ANXA8: variants seen among roughly 807,000 people sequenced by gnomAD.
ANXA8 encodes annexin A8, also known as VAC-beta.
In ANXA8, 9 loss-of-function variants were observed where a neutral mutation model predicts 26.8. That is an observed-to-expected ratio of 0.34 (90% CI 0.20 to 0.59). ANXA8 has a LOEUF of 0.59. ANXA8 is among the 20% of genes least tolerant of loss of function. The pLI is 0.84. For synonymous variants in ANXA8, 39 were observed against 94.8 expected (o/e 0.41, Z 3.42); for missense variants, 83 against 238.5 (o/e 0.35, Z 4.29).
the ANXA8 span, among the ~76,000 whole-genome samples, chr10:47,513,085 T>C: frequency 7.0e-6 from 1 of 143,480 alleles, no homozygotes; most frequent in Non-Finnish European, 1.5e-5. Context: ...CAGGCTGGAG[T>C]ATGCAATGCG....
At chr10:47,960,571 T>C in the ANXA8 span, among the ~76,000 whole-genome samples, 1 of 149,816 alleles carries the variant, frequency 6.7e-6, no homozygotes, top group Non-Finnish European at 1.5e-5. Flanking sequence ...GCTTTTTTTG[T>C]AATAGTACAT....
At chr10:47,485,472 G>A (rs1186314561), upstream of ANXA8, among the ~76,000 whole-genome samples, 5 of 151,966 alleles carry the variant, frequency 3.3e-5, no homozygotes, top group Non-Finnish European at 5.9e-5. Flanking sequence ...AGTGGCAAGC[G>A]TTCCAAAGCT....
the ANXA8 span, among the ~76,000 whole-genome samples, chr10:47,735,110 C>T: frequency 2.7e-5 from 4 of 150,830 alleles, no homozygotes; most frequent in Non-Finnish European, 5.9e-5. Context: ...TTTTGTTTTG[C>T]CTTTTTTGAG....
chr10:47,761,166 T>C, the ANXA8 span, among the ~76,000 whole-genome samples: 1 of 150,500 alleles, frequency 6.6e-6, no homozygotes, highest in South Asian at 2.1e-4. Context: ...CACCTGACAG[T>C]GTCAGCCAGT....
At chr10:47,975,925 T>C in the ANXA8 span, among the ~76,000 whole-genome samples, 1 of 147,240 alleles carries the variant, frequency 6.8e-6, no homozygotes, top group Non-Finnish European at 1.5e-5. Context: ...AGAAAAAAAC[T>C]TAGACTCAAT....
the ANXA8 span, among the ~76,000 whole-genome samples, chr10:47,685,003 C>T: frequency 3.1e-4 from 47 of 150,490 alleles, no homozygotes; most frequent in African/African-American, 1.1e-3. Flanking sequence ...ATTAGACACC[C>T]CTGATTTAGA....
the ANXA8 span, among the ~76,000 whole-genome samples, chr10:47,658,849 T>TATTC: frequency 1.1e-5 from 1 of 90,810 alleles, no homozygotes; most frequent in East Asian, 2.6e-4. Context: ...ATTTATTTAT[T>TATTC]ATTTATTTAT....
At chr10:47,652,471 C>T in the ANXA8 span, among the ~76,000 whole-genome samples, 1 of 151,272 alleles carries the variant, frequency 6.6e-6, no homozygotes, top group South Asian at 2.1e-4. Context: ...TTGGTACATG[C>T]CTGTCATCCC....
the ANXA8 span, among the ~76,000 whole-genome samples, chr10:47,626,678 T>G: frequency 6.7e-6 from 1 of 150,282 alleles, no homozygotes; most frequent in Non-Finnish European, 1.5e-5. Context: ...GGCATCTGGT[T>G]CCCCAACTTA....
chr10:47,958,195 C>T, the ANXA8 span, among the ~76,000 whole-genome samples: 1 of 150,188 alleles, frequency 6.7e-6, no homozygotes, highest in African/African-American at 2.5e-5. Context: ...AGTGGCATCT[C>T]CAGCTCGGCG....
At chr10:47,646,745 C>T in the ANXA8 span, among the ~76,000 whole-genome samples, 1 of 151,704 alleles carries the variant, frequency 6.6e-6, no homozygotes, top group African/African-American at 2.4e-5. Context: ...ATGTCCTTCC[C>T]TAAAATAGCC....
the ANXA8 span, among the ~76,000 whole-genome samples, chr10:47,891,591 T>TAA: frequency 4.4e-3 from 5 of 1,138 alleles, no homozygotes; most frequent in Admixed American, 0.012. Flanking sequence ...TACAAATAAA[T>TAA]AGAAAAAAAA....
chr10:47,725,541 TG>T, the ANXA8 span, among the ~76,000 whole-genome samples: 53 of 136,204 alleles, frequency 3.9e-4, no homozygotes, highest in South Asian at 0.012. Flanking sequence ...TTTTATTTTT[TG>T]GCATGTGGAT....
At chr10:47,947,462 C>A in the ANXA8 span, among the ~76,000 whole-genome samples, 1 of 147,002 alleles carries the variant, frequency 6.8e-6, no homozygotes, top group Non-Finnish European at 1.5e-5. Context: ...ATCCAGAAAT[C>A]TGTACAGTTG....
chr10:47,521,803 C>T, the ANXA8 span, among the ~76,000 whole-genome samples: 21 of 151,122 alleles, frequency 1.4e-4, no homozygotes, highest in African/African-American at 2.4e-4. Context: ...TTTTGTGAGA[C>T]GGAGTCTCGC....
the ANXA8 span, among the ~76,000 whole-genome samples, chr10:47,736,947 G>A: frequency 4.0e-5 from 6 of 151,834 alleles, no homozygotes; most frequent in African/African-American, 7.3e-5. Flanking sequence ...GAACCACTGC[G>A]CCCAGCCTTA....
chr10:47,937,247 A>G, the ANXA8 span, among the ~76,000 whole-genome samples: 3 of 149,590 alleles, frequency 2.0e-5, 1 homozygote, highest in Non-Finnish European at 4.5e-5. Flanking sequence ...GGATGATGGC[A>G]GCTGTCTTCT....
the ANXA8 span, among the ~76,000 whole-genome samples, chr10:47,591,590 C>A: frequency 7.0e-6 from 1 of 142,540 alleles, no homozygotes; most frequent in Non-Finnish European, 1.5e-5. Context: ...ACTACAGGCA[C>A]CCGCCACCAG....
At chr10:47,565,126 C>T in the ANXA8 span, 2 of 751,464 alleles carry the variant, frequency 2.7e-6, no homozygotes, top group Non-Finnish European at 4.9e-6. Context: ...ACTTCAACTT[C>T]CTGGGCCAGC....
Sources: allele counts gnomAD v4.1 joint callset (sites outside exome capture counted in the v4.1 genomes callset), GRCh38; gene constraint gnomAD v4.1.1; transcripts MANE v1.5; gene names NCBI Gene and HGNC (gene_info 2026-07-23, HGNC 2026-07-21).